The following BANK1 variants were observed in gnomAD, a reference collection of about 807,000 sequenced individuals.
BANK1 encodes B-cell scaffold protein with ankyrin repeats.
A neutral mutation model predicts 94.5 loss-of-function variants in BANK1; 95 were observed. The ratio of observed to expected loss-of-function variants is 1.00; its 90% CI spans 0.85 to 1.19. The LOEUF is 1.19. BANK1 is among the 50% of genes most tolerant of loss of function. The pLI is 0.00. For synonymous variants in BANK1, 334 were observed against 308.4 expected (o/e 1.08, Z -0.87); for missense variants, 987 against 932.2 (o/e 1.06, Z -0.77).
intron 13 of BANK1, among the ~76,000 whole-genome samples, chr4:102,070,105 G>A (rs543300944): frequency 2.1e-4 from 32 of 152,286 alleles, no homozygotes; most frequent in Admixed American, 3.3e-4. Context: ...AAGAGACTGA[G>A]GCAAGTTTCA....
intron 6 of BANK1, among the ~76,000 whole-genome samples, chr4:101,913,151 T>G (rs1272383653): frequency 6.6e-6 from 1 of 152,226 alleles, no homozygotes; most frequent in Non-Finnish European, 1.5e-5. Context: ...TTCCTGGTTC[T>G]TGGTTCTTGT....
In BANK1 at chr4:102,013,696, CT is replaced by C. The variant is rs977948243; in HGVS notation, c.1207-7809del. 6.7e-5 allele frequency among the ~76,000 whole-genome samples: 10 copies of C among 150,302 alleles called. No homozygotes were observed. In the South Asian group the frequency reaches 8.4e-4, roughly 13 times the overall value. On this transcript the variant is annotated intron_variant, in intron 7 of 16. Coordinates refer to ENST00000322953, the MANE Select transcript of BANK1 (RefSeq NM_017935.5). ...TAGTAAGCTATGAAAAGGAGGAGGT[CT>C]TTTTTTTTAATCTTTTGAAGATTTG...
intron 7 of BANK1, among the ~76,000 whole-genome samples, chr4:101,933,274 C>A (rs1042681440): frequency 1.4e-4 from 20 of 142,086 alleles, no homozygotes; most frequent in African/African-American, 5.2e-4. Flanking sequence ...TGACAGGTAG[C>A]GTATTCAATG....
At chr4:101,890,514 G>T (rs1373643765) in intron 5 of BANK1, among the ~76,000 whole-genome samples, 1 of 149,734 alleles carries the variant, frequency 6.7e-6, no homozygotes, top group African/African-American at 2.4e-5. Flanking sequence ...TGCTATATCT[G>T]TTTTATTCTT....
At chr4:102,050,539 C>T (rs570264589) in intron 11 of BANK1, among the ~76,000 whole-genome samples, 3 of 152,338 alleles carry the variant, frequency 2.0e-5, no homozygotes, top group South Asian at 2.1e-4. Context: ...TCAGAGACCA[C>T]ATGTGGTCAA....
chr4:101,848,954 C>T (rs1727358224), intron 2 of BANK1, among the ~76,000 whole-genome samples: 1 of 152,176 alleles, frequency 6.6e-6, no homozygotes, highest in South Asian at 2.1e-4. Flanking sequence ...GCATCATAGG[C>T]TTATCCCCTT....
At chr4:101,954,007 G>T (rs1433144029) in intron 7 of BANK1, among the ~76,000 whole-genome samples, 1 of 151,978 alleles carries the variant, frequency 6.6e-6, no homozygotes, top group Non-Finnish European at 1.5e-5. Flanking sequence ...TGCAGAGTTT[G>T]TTCTTTCTGG....
intron 6 of BANK1, among the ~76,000 whole-genome samples, chr4:101,905,875 T>G (rs1722431720): frequency 6.6e-6 from 1 of 152,194 alleles, no homozygotes; most frequent in Admixed American, 6.5e-5. Context: ...AACCAAACTA[T>G]AAAATCAACG....
At chr4:101,901,379 C>T (rs535266365) in intron 6 of BANK1, among the ~76,000 whole-genome samples, 3 of 152,258 alleles carry the variant, frequency 2.0e-5, no homozygotes, top group Non-Finnish European at 2.9e-5. Flanking sequence ...CCAGATAAAA[C>T]GTAGAACAGG....
rs527856319 is a variant in BANK1, at chr4:101,987,664, C to T, written c.1207-33850C>T. ...TGAGAACTTTCTAAATGCAAAGAAG[C>T]TCCTCTGTTCATGACAAATATTAAA... On this transcript the variant is annotated intron_variant, in intron 7 of 16. Coordinates refer to ENST00000322953, the MANE Select transcript of BANK1 (RefSeq NM_017935.5). Among the ~76,000 whole-genome samples the T allele has an allele frequency of 1.8e-4, 28 of 152,230 alleles. No individual in the cohort carries two copies. The East Asian group carries it at 4.6e-3, about 25-fold the overall frequency.
At chr4:101,994,350 T>C (rs1455653361) in intron 7 of BANK1, among the ~76,000 whole-genome samples, 1 of 152,158 alleles carries the variant, frequency 6.6e-6, no homozygotes, top group East Asian at 1.9e-4. Context: ...ACAAAACATC[T>C]GGAGGATTTC....
intron 1 of BANK1, among the ~76,000 whole-genome samples, chr4:101,801,587 C>T (rs961592615): frequency 1.3e-5 from 2 of 152,202 alleles, no homozygotes; most frequent in African/African-American, 4.8e-5. Flanking sequence ...TATTCATGCT[C>T]ACCACACAAG....
chr4:101,927,423 T>G (rs1723198711), intron 7 of BANK1, among the ~76,000 whole-genome samples: 1 of 151,568 alleles, frequency 6.6e-6, no homozygotes, highest in South Asian at 2.1e-4. Flanking sequence ...CCAAACCATA[T>G]CAGGCATCAT....
At chr4:102,003,458 G>A (rs1323266705) in intron 7 of BANK1, among the ~76,000 whole-genome samples, 1 of 152,150 alleles carries the variant, frequency 6.6e-6, no homozygotes, top group Admixed American at 6.5e-5. Context: ...GGTCAGCTGG[G>A]ACTGTGAACC....
intron 2 of BANK1, among the ~76,000 whole-genome samples, chr4:101,847,551 A>G (rs1219067141): frequency 5.3e-5 from 8 of 151,880 alleles, no homozygotes; most frequent in Non-Finnish European, 1.2e-4. Flanking sequence ...GGTCCCTCAA[A>G]TCCATTGCAT....
intron 11 of BANK1, among the ~76,000 whole-genome samples, chr4:102,051,332 A>G (rs1436165868): frequency 2.6e-5 from 4 of 152,178 alleles, no homozygotes; most frequent in Admixed American, 2.0e-4. Context: ...TCCATTTGTC[A>G]TATTGCTCAC....
Position 102,072,319 on chromosome 4 carries a change from G to T in BANK1, c.2243-26G>T, listed in dbSNP as rs200158037. On this transcript the variant is annotated intron_variant, in intron 14 of 16. Transcript: ENST00000322953. ...CATCAAATTTGTGAATGAATAAAGA[G>T]GTAATAACTGAGTTTGTATTTCTAG... The T allele has an allele frequency of 2.9e-4, 433 of 1,495,208 alleles. 4 individuals carry two copies. The highest frequency in any genetic ancestry group is 1.6e-3 in the South Asian group (135 of 86,760). 92.6% of individuals were successfully genotyped at this position (1,495,208 alleles called of 1,614,324 possible). A position where few individuals can be genotyped will look rare whatever the true frequency, so the allele number is the denominator to read the frequency against.
chr4:101,918,194 G>GTTT lies in BANK1; in HGVS notation c.1206+13_1206+15dup. 1.2e-5 allele frequency: 14 copies of GTTT among 1,172,486 alleles called. No homozygotes were observed. The highest frequency in any genetic ancestry group is 1.3e-5 in the Non-Finnish European group (11 of 847,714). The allele number at this position is 1,172,486 out of a possible 1,614,324, so 72.6% of individuals were successfully genotyped here. A position where few individuals can be genotyped will look rare whatever the true frequency, so the allele number is the denominator to read the frequency against. On this transcript the variant is annotated splice_donor_region_variant and intron_variant, in intron 7 of 16. Transcript: ENST00000322953. The stretch of plus-strand genomic sequence containing the variant: ...AAAATCTTCGAAGACTTTTCAGTAA[G>GTTT]TTTTTTTTTTAAATTATATCTCTGT...
At chr4:101,861,081 T>C (rs1282318028) in intron 3 of BANK1, among the ~76,000 whole-genome samples, 1 of 152,190 alleles carries the variant, frequency 6.6e-6, no homozygotes, top group East Asian at 1.9e-4. Context: ...TTCTGACACA[T>C]TGCATGTGTG....
Sources: gnomAD v4.1 joint callset for allele counts (sites outside exome capture counted in the v4.1 genomes callset) on GRCh38, gnomAD v4.1.1 for gene constraint, MANE v1.5 for transcripts, NCBI Gene and HGNC (gene_info 2026-07-23, HGNC 2026-07-21) for gene names.